The following RBMS3 variants were observed in gnomAD, a reference collection of about 807,000 sequenced individuals.
RBMS3 encodes RNA binding motif single stranded interacting protein 3, also known as RNA-binding motif, single-stranded-interacting protein 3.
A neutral mutation model predicts 66.8 loss-of-function variants in RBMS3; 27 were observed. The observed-to-expected ratio is 0.40, with a 90% CI of 0.30 to 0.56. The LOEUF is 0.56. Among genes scored for constraint, RBMS3 ranks in the 20% least tolerant of loss-of-function variants. The pLI, the probability that RBMS3 is intolerant of heterozygous loss-of-function variation, is 0.40. For synonymous variants in RBMS3, 188 were observed against 183.0 expected, an observed-to-expected ratio of 1.03 and a Z score of -0.22; for missense variants, 513 against 549.5, an observed-to-expected ratio of 0.93 and a Z score of 0.66.
intron 3 of RBMS3, among the ~76,000 whole-genome samples, chr3:29,569,026 G>C (rs533607023): frequency 9.2e-5 from 14 of 152,184 alleles, no homozygotes; most frequent in African/African-American, 3.4e-4. Flanking sequence ...ACCTAGGGTA[G>C]GCCTGAAATT....
chr3:29,347,129 G>A (rs971224389), intron 1 of RBMS3, among the ~76,000 whole-genome samples: 4 of 152,178 alleles, frequency 2.6e-5, no homozygotes, highest in Non-Finnish European at 5.9e-5. Context: ...GACTCTGGAG[G>A]CTGATGAGAG....
At chr3:29,872,773 T>C (rs1177438143) in intron 7 of RBMS3, among the ~76,000 whole-genome samples, 3 of 152,120 alleles carry the variant, frequency 2.0e-5, no homozygotes, top group African/African-American at 7.2e-5. Context: ...TTTTTATACA[T>C]GATGTAAGGG....
chr3:29,627,687 C>T (rs1277163406), intron 4 of RBMS3, among the ~76,000 whole-genome samples: 1 of 152,266 alleles, frequency 6.6e-6, no homozygotes, highest in Non-Finnish European at 1.5e-5. Flanking sequence ...ATACACATTT[C>T]CTCCTATAGA....
chr3:29,709,089 G>A (rs1167283787), intron 4 of RBMS3, among the ~76,000 whole-genome samples: 2 of 152,190 alleles, frequency 1.3e-5, no homozygotes, highest in South Asian at 2.1e-4. Flanking sequence ...TTCTCCCTTC[G>A]TTCACTCCTG....
intron 13 of RBMS3, 82 bp from the exon 14 acceptor site, chr3:29,991,000 G>C (rs1344560649): frequency 1.4e-6 from 2 of 1,390,086 alleles, no homozygotes; most frequent in East Asian, 2.3e-5. Context: ...AAGCCAAATA[G>C]AAGAGGGGTA....
At chr3:29,471,934 G>C (rs1249381547) in intron 2 of RBMS3, among the ~76,000 whole-genome samples, 2 of 151,820 alleles carry the variant, frequency 1.3e-5, no homozygotes, top group Non-Finnish European at 2.9e-5. Context: ...TAAATTTCCT[G>C]GGAGAATGAT....
intron 6 of RBMS3, among the ~76,000 whole-genome samples, chr3:29,818,111 G>T (rs1487730652): frequency 2.0e-5 from 3 of 152,044 alleles, no homozygotes. Flanking sequence ...TAATTAACCA[G>T]TGTTACATTC....
At position 29,884,471 on chromosome 3, in the gene RBMS3, C is replaced by CTCTCTCTCT. The variant is rs1553692504; in HGVS notation, c.791+263_791+264insTCTCTCTCT. On this transcript the variant is annotated intron_variant, in intron 8 of 14. Coordinates refer to ENST00000383767, the MANE Select transcript of RBMS3 (RefSeq NM_001003793.3). ...CTCTCTCTCTCTCTCTCTCTCTCTC[C>CTCTCTCTCT]CCCCCCGCTCCCTCCCTCCCTCCCT... is the stretch of plus-strand genomic sequence containing the variant. Among the ~76,000 whole-genome samples the CTCTCTCTCT allele has an allele frequency of 1.9e-3, 74 of 38,960 alleles. 8 individuals are homozygous for CTCTCTCTCT. Among genetic ancestry groups the CTCTCTCTCT allele is most frequent in the African/African-American group, 4.6e-3 (64 of 13,852 alleles). The allele number at this position is 38,960 out of a possible 152,430, so 25.6% of individuals were successfully genotyped here.
chr3:29,506,531 G>A (rs2044187171), intron 3 of RBMS3, among the ~76,000 whole-genome samples: 1 of 151,914 alleles, frequency 6.6e-6, no homozygotes, highest in Non-Finnish European at 1.5e-5. Context: ...ATATTCGCCT[G>A]TAATATTCTT....
intron 3 of RBMS3, among the ~76,000 whole-genome samples, chr3:29,581,350 A>G (rs1237976727): frequency 6.6e-6 from 1 of 152,212 alleles, no homozygotes; most frequent in East Asian, 1.9e-4. Flanking sequence ...AAAGATAGTC[A>G]GCAATAACTG....
At chr3:29,666,387 C>G (rs6766482) in intron 4 of RBMS3, among the ~76,000 whole-genome samples, 51,978 of 152,054 alleles carry the variant, frequency 0.34, 9,074 homozygotes, top group Admixed American at 0.4. Flanking sequence ...AAAACAGTGT[C>G]TGGCACCTAG....
At chr3:29,484,707 CAG>C (rs2043258150) in intron 2 of RBMS3, among the ~76,000 whole-genome samples, 1 of 152,120 alleles carries the variant, frequency 6.6e-6, no homozygotes, top group African/African-American at 2.4e-5. Context: ...TGTATTCCAT[CAG>C]AGAGATAGCC....
intron 3 of RBMS3, among the ~76,000 whole-genome samples, chr3:29,507,323 C>T (rs1175861863): frequency 1.3e-5 from 2 of 151,826 alleles, no homozygotes; most frequent in African/African-American, 4.8e-5. Context: ...AAATTATACA[C>T]ATGAATGCAA....
intron 1 of RBMS3, among the ~76,000 whole-genome samples, chr3:29,354,933 A>T (rs1450431241): frequency 1.3e-5 from 2 of 152,114 alleles, no homozygotes; most frequent in African/African-American, 4.8e-5. Flanking sequence ...GACTTCTGAG[A>T]TAGATACCAT....
intron 4 of RBMS3, among the ~76,000 whole-genome samples, chr3:29,695,668 A>C (rs562274176): frequency 6.2e-4 from 94 of 152,154 alleles, no homozygotes; most frequent in Non-Finnish European, 1.1e-3. Flanking sequence ...TCAGAGTAGT[A>C]ATTACAGGAA....
chr3:29,793,230 C>G (rs1214690845), intron 6 of RBMS3, among the ~76,000 whole-genome samples: 1 of 117,130 alleles, frequency 8.5e-6, no homozygotes, highest in African/African-American at 2.9e-5. Context: ...GACTCCATCT[C>G]AAAAAAAAAA....
At chr3:29,377,511 T>C (rs1290266868) in intron 1 of RBMS3, among the ~76,000 whole-genome samples, 4 of 152,204 alleles carry the variant, frequency 2.6e-5, no homozygotes, top group Non-Finnish European at 5.9e-5. Flanking sequence ...CTCAGTTGCG[T>C]CCACTTTCTC....
chr3:29,717,279 T>G (rs13320648), intron 4 of RBMS3, among the ~76,000 whole-genome samples: 7,800 of 152,210 alleles, frequency 0.051, 260 homozygotes, highest in African/African-American at 0.082. Flanking sequence ...GTTACTTGTT[T>G]CTCATTATTC....
At chr3:29,831,864 C>A (rs550736833) in intron 6 of RBMS3, among the ~76,000 whole-genome samples, 394 of 126,462 alleles carry the variant, frequency 3.1e-3, no homozygotes, top group African/African-American at 0.011. Flanking sequence ...TAGACATTTA[C>A]CTTAAATAAA....
Sources: allele counts gnomAD v4.1 joint callset (sites outside exome capture counted in the v4.1 genomes callset), GRCh38; gene constraint gnomAD v4.1.1; transcripts MANE v1.5; gene names NCBI Gene and HGNC (gene_info 2026-07-23, HGNC 2026-07-21).